Variants in ANKS1B observed in about 807,000 individuals in gnomAD.
The protein encoded by ANKS1B is ankyrin repeat and sterile alpha motif domain-containing protein 1B.
Under a neutral mutation model 148.3 loss-of-function variants are expected in ANKS1B, and 36 were observed. That is an observed-to-expected ratio of 0.24 (90% confidence interval 0.19 to 0.32). The LOEUF (loss-of-function observed/expected upper bound fraction) is 0.32. Ranked by LOEUF, ANKS1B falls within the 10% of genes least tolerant of loss-of-function variation. The pLI is 1.00. For missense variants in ANKS1B, 1,157 were observed against 1,542.6 expected (o/e 0.75, Z 4.19); for synonymous variants, 542 against 560.8 (o/e 0.97, Z 0.47).
intron 17 of ANKS1B, among the ~76,000 whole-genome samples, chr12:98,846,025 C>CACATAT (rs112172281): frequency 1.2e-3 from 179 of 149,970 alleles, no homozygotes; most frequent in Admixed American, 4.6e-3. Context: ...CACATACACA[C>CACATAT]ATATATATAT....
intron 9 of ANKS1B, among the ~76,000 whole-genome samples, chr12:99,616,972 G>T (rs2097972739): frequency 1.3e-5 from 2 of 152,154 alleles, no homozygotes; most frequent in African/African-American, 2.4e-5. Context: ...CCATCAAAAA[G>T]TGGGTAAAGG....
intron 11 of ANKS1B, among the ~76,000 whole-genome samples, chr12:99,414,951 A>G (rs1233945723): frequency 6.6e-6 from 1 of 152,220 alleles, no homozygotes; most frequent in African/African-American, 2.4e-5. Context: ...TTTGTAATAT[A>G]TGTTTCTTCG....
chr12:99,881,098 C>A (rs555892869), intron 1 of ANKS1B, among the ~76,000 whole-genome samples: 1 of 152,212 alleles, frequency 6.6e-6, no homozygotes, highest in African/African-American at 2.4e-5. Flanking sequence ...TCCTTAGTAT[C>A]CCCCAGTCTG....
At chr12:99,267,609 T>A (rs2076578429) in intron 12 of ANKS1B, among the ~76,000 whole-genome samples, 1 of 152,090 alleles carries the variant, frequency 6.6e-6, no homozygotes, top group Non-Finnish European at 1.5e-5. Flanking sequence ...AACAAACATG[T>A]ATCACACTGA....
At chr12:99,808,252 C>G (rs140997909) in intron 3 of ANKS1B, among the ~76,000 whole-genome samples, 2 of 151,914 alleles carry the variant, frequency 1.3e-5, no homozygotes, top group African/African-American at 4.8e-5. Flanking sequence ...TCTTAATGTT[C>G]TAGAAAGTAA....
chr12:98,779,637 A>G (rs17028676), intron 24 of ANKS1B, among the ~76,000 whole-genome samples: 15,782 of 152,250 alleles, frequency 0.1, 1,551 homozygotes, highest in African/African-American at 0.26. Context: ...CTTAAGATTT[A>G]GATACAGCAA....
intron 15 of ANKS1B, among the ~76,000 whole-genome samples, chr12:99,114,008 T>C (rs1156531203): frequency 1.3e-5 from 2 of 152,242 alleles, no homozygotes; most frequent in East Asian, 3.8e-4. Flanking sequence ...CCTGTATTCC[T>C]AGTTAGTGGA....
chr12:99,425,622 T>C (rs1215486115), intron 11 of ANKS1B, among the ~76,000 whole-genome samples: 1 of 152,022 alleles, frequency 6.6e-6, no homozygotes, highest in African/African-American at 2.4e-5. Context: ...TAAAAAGTTT[T>C]AACTACTTCT....
chr12:99,481,941 C>T (rs1489603069), intron 10 of ANKS1B, among the ~76,000 whole-genome samples: 2 of 151,810 alleles, frequency 1.3e-5, no homozygotes, highest in African/African-American at 2.4e-5. Flanking sequence ...AGTCCTTTGT[C>T]GGATGCACAG....
intron 14 of ANKS1B, among the ~76,000 whole-genome samples, chr12:99,219,742 G>C (rs1477518060): frequency 6.6e-6 from 1 of 152,088 alleles, no homozygotes; most frequent in Non-Finnish European, 1.5e-5. Flanking sequence ...GGGTGTGCTG[G>C]GATCTTCCAC....
intron 9 of ANKS1B, among the ~76,000 whole-genome samples, chr12:99,546,063 G>A (rs1322933046): frequency 1.3e-5 from 2 of 151,920 alleles, no homozygotes; most frequent in Non-Finnish European, 2.9e-5. Flanking sequence ...CAGATGAAAT[G>A]GTCCAAGTCA....
At chr12:99,026,899 G>A (rs2153452152) in intron 17 of ANKS1B, among the ~76,000 whole-genome samples, 1 of 152,334 alleles carries the variant, frequency 6.6e-6, no homozygotes, top group Admixed American at 6.5e-5. Flanking sequence ...TGAATTTAGA[G>A]CATCTAGGAA....
intron 17 of ANKS1B, among the ~76,000 whole-genome samples, chr12:98,906,720 A>AT (rs1225355988): frequency 2.0e-5 from 3 of 152,234 alleles, no homozygotes; most frequent in East Asian, 3.8e-4. Context: ...TATTAATTAA[A>AT]TACCTAGTAG....
intron 12 of ANKS1B, among the ~76,000 whole-genome samples, chr12:99,363,111 G>T (rs1164717601): frequency 6.6e-6 from 1 of 151,896 alleles, no homozygotes; most frequent in Non-Finnish European, 1.5e-5. Flanking sequence ...TATGGTTAAT[G>T]CAGATAAAAG....
intron 4 of ANKS1B, among the ~76,000 whole-genome samples, chr12:99,793,997 A>G (rs563556222): frequency 6.6e-6 from 1 of 152,244 alleles, no homozygotes; most frequent in Non-Finnish European, 1.5e-5. Flanking sequence ...AATACAATTA[A>G]AATATTGGCA....
In ANKS1B at chr12:98,905,649, G is replaced by A. The variant is rs2099777986; in HGVS notation, c.2779-73513C>T. On this transcript the variant is annotated intron_variant, in intron 17 of 26. Transcript: ENST00000683438. ...TAGCCTGGCATGGTGGTGCACACCTGTAGTCCCAGCTGTCCGGGAGGGTGA... is the reference window on the plus strand; with the variant it reads ...TAGCCTGGCATGGTGGTGCACACCTATAGTCCCAGCTGTCCGGGAGGGTGA... Among the ~76,000 whole-genome samples the A allele has an allele frequency of 2.0e-5, 3 of 152,198 alleles. No individual in the cohort carries two copies. The South Asian group carries it at 6.2e-4, about 32-fold the overall frequency.
intron 12 of ANKS1B, among the ~76,000 whole-genome samples, chr12:99,369,796 GGACGGACA>G (rs1301563001): frequency 2.1e-4 from 23 of 110,710 alleles, no homozygotes; most frequent in Non-Finnish European, 3.7e-4. Flanking sequence ...ATAGATGGAC[GGACGGACA>G]GACGGACGGA....
chr12:98,939,981 G>A lies in ANKS1B; in HGVS notation c.2779-107845C>T, dbSNP rs959572447. Among the ~76,000 whole-genome samples the A allele has an allele frequency of 7.2e-5, 11 of 152,236 alleles. No individual in the cohort carries two copies. The East Asian group carries it at 7.7e-4, about 11-fold the overall frequency. ...AAGGGTGAGAGATGATTTTGAGAGT[G>A]AGAAGAGAGCTGTTCTACTGGGGAA... On this transcript the variant is annotated intron_variant, in intron 17 of 26. Transcript: ENST00000683438.
At position 99,386,461 on chromosome 12, in the gene ANKS1B, G is replaced by T. The variant is rs118124443; in HGVS notation, c.1756+13170C>A. On this transcript the variant is annotated intron_variant, in intron 12 of 26. Coordinates refer to ENST00000683438, the MANE Select transcript of ANKS1B (RefSeq NM_001352186.2). ...GCTCCTGTAGAAAGTAACAACATCAGGGTGAAGAAAAAGTCAGTTATGGGA... is the reference window on the plus strand; with the variant it reads ...GCTCCTGTAGAAAGTAACAACATCATGGTGAAGAAAAAGTCAGTTATGGGA... Among the ~76,000 whole-genome samples, 29 of 152,038 alleles carry T rather than the reference G, an allele frequency of 1.9e-4. 1 individual carries two copies. In the East Asian group the frequency reaches 5.0e-3, roughly 26 times the overall value.
Sources: gnomAD v4.1 joint callset for allele counts (sites outside exome capture counted in the v4.1 genomes callset) on GRCh38, gnomAD v4.1.1 for gene constraint, MANE v1.5 for transcripts, NCBI Gene and HGNC (gene_info 2026-07-23, HGNC 2026-07-21) for gene names.